GALNTL6: variants seen among roughly 807,000 people sequenced by gnomAD.
GALNTL6 encodes the protein polypeptide N-acetylgalactosaminyltransferase-like 6.
In GALNTL6, 46 loss-of-function variants were observed where a neutral mutation model predicts 73.7. The observed-to-expected ratio is 0.62, with a 90% confidence interval of 0.49 to 0.80. The LOEUF (loss-of-function observed/expected upper bound fraction) is 0.80. GALNTL6 is among the 30% of genes least tolerant of loss of function. The pLI is 0.00. For synonymous variants in GALNTL6, 259 were observed against 263.7 expected (o/e 0.98, Z 0.17); for missense variants, 604 against 755.0 (o/e 0.80, Z 2.34).
chr4:172,208,093 T>C (rs560076379), intron 2 of GALNTL6, among the ~76,000 whole-genome samples: 16 of 152,298 alleles, frequency 1.1e-4, no homozygotes, highest in African/African-American at 3.4e-4. Context: ...GGAATCCTTA[T>C]TGATGTCATT....
At chr4:172,148,760 T>C (rs1485303512) in intron 2 of GALNTL6, among the ~76,000 whole-genome samples, 1 of 152,206 alleles carries the variant, frequency 6.6e-6, no homozygotes, top group African/African-American at 2.4e-5. Flanking sequence ...TATTAGCTAA[T>C]AGAAATGTGA....
At chr4:172,824,093 T>G (rs1742092877) in intron 7 of GALNTL6, among the ~76,000 whole-genome samples, 1 of 152,160 alleles carries the variant, frequency 6.6e-6, no homozygotes, top group South Asian at 2.1e-4. Context: ...GACTATGCCC[T>G]TAGAATGGGA....
At chr4:171,916,340 A>G (rs1298114388) in intron 2 of GALNTL6, among the ~76,000 whole-genome samples, 10 of 152,128 alleles carry the variant, frequency 6.6e-5, no homozygotes, top group Admixed American at 6.6e-4. Flanking sequence ...TTTTTGTTAT[A>G]ATCACAATAT....
intron 5 of GALNTL6, among the ~76,000 whole-genome samples, chr4:172,361,833 T>G (rs1742382391): frequency 6.6e-6 from 1 of 152,124 alleles, no homozygotes; most frequent in Non-Finnish European, 1.5e-5. Context: ...CACCCTAGCT[T>G]TATATCTTGG....
At chr4:172,309,898 G>T (rs1035368054) in intron 3 of GALNTL6, among the ~76,000 whole-genome samples, 1 of 151,896 alleles carries the variant, frequency 6.6e-6, no homozygotes, top group African/African-American at 2.4e-5. Context: ...AATTGCATAG[G>T]ACTAAAAGAA....
intron 3 of GALNTL6, among the ~76,000 whole-genome samples, chr4:172,232,791 T>A (rs1737112160): frequency 6.6e-6 from 1 of 152,186 alleles, no homozygotes; most frequent in Non-Finnish European, 1.5e-5. Context: ...TGATATCTTT[T>A]TTATGCTATG....
intron 2 of GALNTL6, among the ~76,000 whole-genome samples, chr4:171,838,226 C>A (rs1432829764): frequency 1.3e-5 from 2 of 152,080 alleles, no homozygotes; most frequent in East Asian, 3.9e-4. Context: ...CAGGTTCAAG[C>A]AATTCTCCTG....
chr4:172,206,802 T>A (rs1736132515), intron 2 of GALNTL6, among the ~76,000 whole-genome samples: 1 of 36,020 alleles, frequency 2.8e-5, no homozygotes, highest in African/African-American at 9.7e-5. Context: ...GTTTTGTTTT[T>A]CTGTTTTTTT....
At chr4:172,406,041 A>G (rs953819308) in intron 5 of GALNTL6, among the ~76,000 whole-genome samples, 4 of 152,060 alleles carry the variant, frequency 2.6e-5, no homozygotes, top group Non-Finnish European at 5.9e-5. Flanking sequence ...ATTGATCTCT[A>G]AACACTTTGA....
chr4:172,359,579 T>C (rs1742292443), intron 5 of GALNTL6, among the ~76,000 whole-genome samples: 1 of 152,170 alleles, frequency 6.6e-6, no homozygotes, highest in South Asian at 2.1e-4. Context: ...CTTGGTTTGT[T>C]AAGTTTTAGC....
intron 2 of GALNTL6, among the ~76,000 whole-genome samples, chr4:172,069,558 A>ATATATAACACATATGTGTTATATATAC (rs1168430277): frequency 1.5e-5 from 1 of 68,266 alleles, no homozygotes; most frequent in Admixed American, 1.7e-4. Flanking sequence ...CATATATGTT[A>ATATATAACACATATGTGTTATATATAC]TATATAACAC....
chr4:172,244,603 A>G (rs1295364832), intron 3 of GALNTL6, among the ~76,000 whole-genome samples: 1 of 152,140 alleles, frequency 6.6e-6, no homozygotes, highest in Non-Finnish European at 1.5e-5. Flanking sequence ...CCTGGGCTTT[A>G]GTGTTTGTCT....
At chr4:171,988,657 T>C (rs534182804) in intron 2 of GALNTL6, among the ~76,000 whole-genome samples, 15 of 152,184 alleles carry the variant, frequency 9.9e-5, no homozygotes, top group Non-Finnish European at 2.1e-4. Context: ...TTGCCTGGTT[T>C]TAGGACAGGT....
At chr4:172,489,346 G>A (rs1049829386) in intron 5 of GALNTL6, among the ~76,000 whole-genome samples, 7 of 152,148 alleles carry the variant, frequency 4.6e-5, no homozygotes, top group Non-Finnish European at 8.8e-5. Flanking sequence ...TGAGATAATA[G>A]TTTTCAAGGA....
intron 5 of GALNTL6, among the ~76,000 whole-genome samples, chr4:172,381,066 C>CT (rs1199351224): frequency 1.3e-5 from 2 of 152,188 alleles, no homozygotes; most frequent in Non-Finnish European, 1.5e-5. Context: ...CTGCAATTTG[C>CT]TGAAGGCATT....
chr4:171,833,265 A>G (rs2110828625), intron 2 of GALNTL6, among the ~76,000 whole-genome samples: 1 of 151,726 alleles, frequency 6.6e-6, no homozygotes, highest in Middle Eastern at 3.4e-3. Flanking sequence ...AATATTTTTT[A>G]TGAATTTATA....
chr4:172,640,822 A>C (rs900258650), intron 5 of GALNTL6, among the ~76,000 whole-genome samples: 1 of 152,114 alleles, frequency 6.6e-6, no homozygotes, highest in African/African-American at 2.4e-5. Context: ...GGAAGACACA[A>C]TTCAGGCAAT....
In GALNTL6 at chr4:172,702,553, G is replaced by A. The variant is rs565801075; in HGVS notation, c.554-106808G>A. The stretch of plus-strand genomic sequence containing the variant: ...ACTTAATATCCAATGTGACAGTGGG[G>A]CGGGACCTTTGGGAAGGTGATTTTG... On this transcript the variant is annotated intron_variant, in intron 5 of 12. Transcript: ENST00000506823. Among the ~76,000 whole-genome samples, 5 of 152,034 alleles carry A rather than the reference G, an allele frequency of 3.3e-5. No individual in the cohort carries two copies. The South Asian group carries it at 1.0e-3, about 32-fold the overall frequency.
chr4:172,120,098 T>G (rs1483254395), intron 2 of GALNTL6, among the ~76,000 whole-genome samples: 1 of 152,190 alleles, frequency 6.6e-6, no homozygotes, highest in Non-Finnish European at 1.5e-5. Context: ...CTTGACTACT[T>G]TTTCCCAGTT....
Sources: allele counts gnomAD v4.1 joint callset (sites outside exome capture counted in the v4.1 genomes callset), GRCh38; gene constraint gnomAD v4.1.1; transcripts MANE v1.5; gene names NCBI Gene and HGNC (gene_info 2026-07-23, HGNC 2026-07-21).